Variants in DOK5 observed in about 807,000 individuals in gnomAD.
DOK5 encodes docking protein 5, also known as downstream of tyrosine kinase 5.
In DOK5, 27 loss-of-function variants were observed where a neutral mutation model predicts 43.3. The ratio of observed to expected loss-of-function variants is 0.62; its 90% CI spans 0.46 to 0.86. DOK5 has a LOEUF of 0.86. Ranked by LOEUF, DOK5 falls within the 40% of genes least tolerant of loss-of-function variation. The pLI, the probability that DOK5 is intolerant of heterozygous loss-of-function variation, is 0.00. For synonymous variants in DOK5, 146 were observed against 140.1 expected (o/e 1.04, Z -0.30); for missense variants, 373 against 392.9 (o/e 0.95, Z 0.43).
chr20:54,615,899 C>CAA (rs71196458), intron 6 of DOK5, among the ~76,000 whole-genome samples: 1,596 of 144,838 alleles, frequency 0.011, 29 homozygotes, highest in African/African-American at 0.038. Context: ...GACTCCATCT[C>CAA]AAAAAAAAAA....
chr20:54,624,935 G>A (rs996504983), intron 6 of DOK5, among the ~76,000 whole-genome samples: 1 of 151,862 alleles, frequency 6.6e-6, no homozygotes, highest in African/African-American at 2.4e-5. Flanking sequence ...TGCTCACTGT[G>A]TAGTGTCTTT....
chr20:54,633,235 C>T (rs979135933), intron 6 of DOK5, among the ~76,000 whole-genome samples: 2 of 152,118 alleles, frequency 1.3e-5, no homozygotes, highest in Admixed American at 6.5e-5. Context: ...GCCCAGAAAG[C>T]ATAGGGAGAT....
chr20:54,565,730 A>T (rs1479883084), intron 2 of DOK5, among the ~76,000 whole-genome samples: 1 of 152,170 alleles, frequency 6.6e-6, no homozygotes, highest in African/African-American at 2.4e-5. Flanking sequence ...CCACATTAAG[A>T]TACTGAACAT....
At position 54,513,479 on chromosome 20, in the gene DOK5, A is replaced by AG. The variant is rs1023549394; in HGVS notation, c.66+37467_66+37468insG. Among the ~76,000 whole-genome samples, 9 of 148,956 alleles carry AG rather than the reference A, an allele frequency of 6.0e-5. 1 individual carries two copies. Among genetic ancestry groups the AG allele is most frequent in the African/African-American group, 2.2e-4 (9 of 40,800 alleles). On this transcript the variant is annotated intron_variant, in intron 1 of 7. Transcript: ENST00000262593. ...ACTCTGAGCAAAAAAAAAAAAAAAA[A>AG]AAAAAAAAACCCAACATCCATTTGT...
chr20:54,557,990 A>G (rs1820934877), intron 2 of DOK5, among the ~76,000 whole-genome samples: 1 of 152,228 alleles, frequency 6.6e-6, no homozygotes, highest in Admixed American at 6.5e-5. Flanking sequence ...AATCTAACAC[A>G]TAGTGAACAC....
rs1323359724 is a variant in DOK5, at chr20:54,606,586, TG to T, written c.600-3800del. ...TGCCTTTCTTTTCACTTCCTTTTTT[TG>T]GTTTGTTTGTTTTCTTCTTACTGCC... is the stretch of plus-strand genomic sequence containing the variant. On this transcript the variant is annotated intron_variant, in intron 5 of 7. Coordinates refer to ENST00000262593, the MANE Select transcript of DOK5 (RefSeq NM_018431.5). Among the ~76,000 whole-genome samples, 3 of 152,248 alleles carry T rather than the reference TG, an allele frequency of 2.0e-5. No individual in the cohort carries two copies. The East Asian group carries it at 5.8e-4, about 29-fold the overall frequency.
chr20:54,475,624 C>G lies in DOK5; in HGVS notation c.-323C>G, dbSNP rs1362169265. 2.3e-6 allele frequency: 1 copy of G among 435,246 alleles called. No homozygotes were observed. Among genetic ancestry groups the G allele is most frequent in the Non-Finnish European group, 4.1e-6 (1 of 241,830 alleles). The allele number at this position is 435,246 out of a possible 1,614,324, so 27.0% of individuals were successfully genotyped here. A position where few individuals can be genotyped will look rare whatever the true frequency, so the allele number is the denominator to read the frequency against. On this transcript the variant is annotated 5_prime_UTR_variant, in exon 1 of 8. Coordinates refer to ENST00000262593, the MANE Select transcript of DOK5 (RefSeq NM_018431.5). This position sits in a 1 kb window ranked among gnomAD's most constrained non-coding sequence, Gnocchi z 4.2. The stretch of plus-strand genomic sequence containing the variant: ...CTCCTCCTTCTCGGCCGGGAGGAGG[C>G]AGGGCTGGATCCCTCAGCCGCCGCC...
chr20:54,497,311 TA>T (rs1982440355), intron 1 of DOK5, among the ~76,000 whole-genome samples: 2 of 152,222 alleles, frequency 1.3e-5, no homozygotes, highest in South Asian at 4.1e-4. Flanking sequence ...CTTCATGCAT[TA>T]TGCAGGCTAA....
intron 1 of DOK5, among the ~76,000 whole-genome samples, chr20:54,490,333 C>CATATATACATATACATACGTAT (rs1375301909): frequency 6.6e-6 from 1 of 152,008 alleles, no homozygotes; most frequent in Non-Finnish European, 1.5e-5. Context: ...TGAAATGATA[C>CATATATACATATACATACGTAT]ATATATACAT....
chr20:54,593,243 C>A (rs577592926), intron 5 of DOK5, among the ~76,000 whole-genome samples: 1 of 148,346 alleles, frequency 6.7e-6, no homozygotes, highest in South Asian at 2.1e-4. Context: ...GGTGACAGAG[C>A]GAGACTCTGT....
intron 6 of DOK5, among the ~76,000 whole-genome samples, chr20:54,616,046 C>G (rs1210005385): frequency 6.6e-6 from 1 of 152,112 alleles, no homozygotes; most frequent in Non-Finnish European, 1.5e-5. Context: ...TGGTTTTATG[C>G]CACCACTTGC....
At chr20:54,507,709 C>T (rs939813504) in intron 1 of DOK5, among the ~76,000 whole-genome samples, 2 of 152,136 alleles carry the variant, frequency 1.3e-5, no homozygotes, top group African/African-American at 4.8e-5. Context: ...TTGAAGGAAG[C>T]CCTCATGGGT....
At chr20:54,510,865 A>C (rs1982991411) in intron 1 of DOK5, among the ~76,000 whole-genome samples, 1 of 152,188 alleles carries the variant, frequency 6.6e-6, no homozygotes, top group African/African-American at 2.4e-5. Flanking sequence ...TAGCTCATTA[A>C]AATGGGAATG....
intron 2 of DOK5, among the ~76,000 whole-genome samples, chr20:54,556,725 G>A (rs6023359): frequency 6.6e-6 from 1 of 152,144 alleles, no homozygotes; most frequent in Admixed American, 6.5e-5. Flanking sequence ...TTACACATCA[G>A]GTCTTCTCTT....
chr20:54,614,719 G>A (rs866893628), intron 6 of DOK5, among the ~76,000 whole-genome samples: 1 of 152,138 alleles, frequency 6.6e-6, no homozygotes, highest in Non-Finnish European at 1.5e-5. Flanking sequence ...AAATAAATGT[G>A]ATTTTTAAAG....
intron 1 of DOK5, among the ~76,000 whole-genome samples, chr20:54,509,090 G>A (rs1247904651): frequency 2.0e-5 from 3 of 152,196 alleles, no homozygotes; most frequent in South Asian, 2.1e-4. Context: ...TGGCCAGGCC[G>A]GTCTTGAACT....
intron 6 of DOK5, among the ~76,000 whole-genome samples, chr20:54,637,673 A>C (rs1271874367): frequency 6.6e-6 from 1 of 152,236 alleles, no homozygotes; most frequent in Non-Finnish European, 1.5e-5. Flanking sequence ...CAGTGCTTCT[A>C]ATTTGATAGC....
chr20:54,610,443 A>G lies in DOK5; in HGVS notation c.655A>G (p.Ile219Val), dbSNP rs368919731. Residue 219 changes from isoleucine to valine, a missense_variant, in exon 6 of 8, where the codon ATC becomes GTC. By Grantham distance (29) the Ile-to-Val change is conservative (BLOSUM62 3). Coordinates refer to ENST00000262593, the MANE Select transcript of DOK5 (RefSeq NM_018431.5). ...FIFQTRDGEA[I>V]YQKVHSAALA... ...CTTTCAGACCCGAGACGGGGAGGCC[A>G]TCTATCAGAAAGTCCACTCTGCTGC... 5.0e-6 allele frequency: 8 copies of G among 1,601,024 alleles called. No individual in the cohort carries two copies. The highest frequency in any genetic ancestry group is 1.7e-4 in the Middle Eastern group (1 of 6,014).
chr20:54,570,801 G>A (rs1244550647), intron 2 of DOK5, among the ~76,000 whole-genome samples: 1 of 152,154 alleles, frequency 6.6e-6, no homozygotes, highest in African/African-American at 2.4e-5. Context: ...TTTTGAAACA[G>A]CAGAAGAAAT....
Sources: gnomAD v4.1 joint callset for allele counts (sites outside exome capture counted in the v4.1 genomes callset) on GRCh38, gnomAD v4.1.1 for gene constraint, Gnocchi (gnomAD v3.1) non-coding constraint, MANE v1.5 for transcripts, NCBI Gene and HGNC (gene_info 2026-07-23, HGNC 2026-07-21) for gene names.